The following NBAS variants were observed in gnomAD, a reference collection of about 807,000 sequenced individuals.
The protein encoded by NBAS is NAG/BC035112 fusion.
A neutral mutation model predicts 302.5 loss-of-function variants in NBAS; 219 were observed. The ratio of observed to expected loss-of-function variants is 0.72; its 90% CI spans 0.65 to 0.81. NBAS has a LOEUF of 0.81. Ranked by LOEUF, NBAS falls within the 30% of genes least tolerant of loss-of-function variation. The pLI, the probability that NBAS is intolerant of heterozygous loss-of-function variation, is 0.00. For synonymous variants in NBAS, 1,118 were observed against 1,021.6 expected, an observed-to-expected ratio of 1.09 and a Z score of -1.80; for missense variants, 2,932 against 2,841.6, an observed-to-expected ratio of 1.03 and a Z score of -0.72.
chr2:14,970,076 A>C, the NBAS span, among the ~76,000 whole-genome samples: 6 of 152,246 alleles, frequency 3.9e-5, no homozygotes, highest in African/African-American at 1.4e-4. Flanking sequence ...AATTATCTAA[A>C]TCTAACTTTA....
At chr2:15,399,670 G>GA (rs922296994) in intron 26 of NBAS, among the ~76,000 whole-genome samples, 4 of 151,980 alleles carry the variant, frequency 2.6e-5, no homozygotes, top group African/African-American at 9.7e-5. Flanking sequence ...ACTTATCAAG[G>GA]AAAAAATATA....
rs777089411 is a variant in NBAS, at chr2:15,186,758, T to C, written c.6695A>G (p.Gln2232Arg). Residue 2232 changes from glutamine to arginine, a missense_variant, in exon 50 of 52, where the codon CAG becomes CGG. Coordinates refer to ENST00000281513, the MANE Select transcript of NBAS (RefSeq NM_015909.4). ...KMCRSLYNTK[Q>R]MLPAEGVKEL... ...TCCACTCACCTCTGCAGGCAGCATC[T>C]GCTTGGTGTTATACAAAGAGCGACA... 5 of 1,613,764 alleles carry C rather than the reference T, an allele frequency of 3.1e-6. No homozygotes were observed. Among genetic ancestry groups the C allele is most frequent in the African/African-American group, 1.3e-5 (1 of 74,866 alleles).
At chr2:14,813,038 C>G in the NBAS span, among the ~76,000 whole-genome samples, 20 of 152,190 alleles carry the variant, frequency 1.3e-4, no homozygotes, top group Non-Finnish European at 2.4e-4. Context: ...CTTTGCCCTT[C>G]TGCCATGATT....
At chr2:15,034,037 A>AAGAAGAAGAAGAAGAAGAAGAAGG in the NBAS span, among the ~76,000 whole-genome samples, 6 of 42,028 alleles carry the variant, frequency 1.4e-4, no homozygotes, top group Admixed American at 1.3e-3. Flanking sequence ...GAGGAGGAGG[A>AAGAAGAAGAAGAAGAAGAAGAAGG]AGGAGGAGGA....
At chr2:15,046,151 A>G in the NBAS span, among the ~76,000 whole-genome samples, 3 of 152,228 alleles carry the variant, frequency 2.0e-5, no homozygotes, top group African/African-American at 7.2e-5. Context: ...AAAAGCAGTC[A>G]TGCATTTGAA....
At chr2:15,068,951 G>A in the NBAS span, among the ~76,000 whole-genome samples, 1 of 152,306 alleles carries the variant, frequency 6.6e-6, no homozygotes, top group Admixed American at 6.5e-5. Flanking sequence ...AGTCTCTACA[G>A]AGTCCCGAGG....
At chr2:14,881,172 C>A in the NBAS span, among the ~76,000 whole-genome samples, 1 of 152,130 alleles carries the variant, frequency 6.6e-6, no homozygotes, top group Non-Finnish European at 1.5e-5. Flanking sequence ...ATAATGAAGT[C>A]ATATCCTTTG....
chr2:15,190,406 G>C lies in NBAS; in HGVS notation c.6433-3C>G. 1 of 1,613,754 alleles carries C rather than the reference G, an allele frequency of 6.2e-7. No homozygotes were observed. Among genetic ancestry groups the C allele is most frequent in the Middle Eastern group, 1.7e-4 (1 of 6,058 alleles). On this transcript the variant is annotated splice_polypyrimidine_tract_variant and splice_region_variant and intron_variant, in intron 48 of 51. Coordinates refer to ENST00000281513, the MANE Select transcript of NBAS (RefSeq NM_015909.4). ...TTCTCAATGTCAGCTATGTCTACCT[G>C]GAAGAAGAAATACACACTTAAAGCT...
chr2:15,103,363 C>T, the NBAS span, among the ~76,000 whole-genome samples: 2 of 152,268 alleles, frequency 1.3e-5, no homozygotes. Flanking sequence ...ATCCAGATTT[C>T]CAGGCTCCCT....
At chr2:15,343,542 T>C (rs934626431) in intron 35 of NBAS, among the ~76,000 whole-genome samples, 1 of 152,072 alleles carries the variant, frequency 6.6e-6, no homozygotes, top group African/African-American at 2.4e-5. Flanking sequence ...AATGTGAAAT[T>C]TAAAATCTAC....
At chr2:14,896,823 CATA>C in the NBAS span, among the ~76,000 whole-genome samples, 2 of 152,098 alleles carry the variant, frequency 1.3e-5, no homozygotes, top group Admixed American at 6.6e-5. Context: ...GTTCATTTAC[CATA>C]ATGTCTCTGT....
At chr2:15,508,639 C>CTGTG (rs1553328581) in intron 10 of NBAS, among the ~76,000 whole-genome samples, 2 of 93,774 alleles carry the variant, frequency 2.1e-5, no homozygotes, top group Non-Finnish European at 2.4e-5. Flanking sequence ...TGCTTTATCT[C>CTGTG]TATGTGTGTG....
In NBAS at chr2:15,424,450, A is replaced by G. The variant is rs1264878366; in HGVS notation, c.2442T>C (p.Asn814=). Residue 814 remains asparagine (N), a synonymous_variant, in exon 23 of 52, where the codon AAT becomes AAC. Coordinates refer to ENST00000281513, the MANE Select transcript of NBAS (RefSeq NM_015909.4). ...ELACRMVVEP[N]LQDESEFLYA... is the part of the protein sequence containing the mutation. ...ACAAGAATTCACTTTCATCTTGGAGATTCGGCTCAACAACCATTCTGTGAA... is the reference window on the plus strand; with the variant it reads ...ACAAGAATTCACTTTCATCTTGGAGGTTCGGCTCAACAACCATTCTGTGAA... The G allele has an allele frequency of 1.9e-6, 3 of 1,614,102 alleles. No individual in the cohort carries two copies. Among genetic ancestry groups the G allele is most frequent in the Non-Finnish European group, 2.5e-6 (3 of 1,179,974 alleles).
chr2:15,094,187 C>T, the NBAS span, among the ~76,000 whole-genome samples: 4 of 152,336 alleles, frequency 2.6e-5, no homozygotes, highest in Admixed American at 2.6e-4. Flanking sequence ...CCTAGACCTC[C>T]CATTCCAGTC....
chr2:15,459,219 G>C (rs1490225905), intron 21 of NBAS, among the ~76,000 whole-genome samples: 1 of 152,066 alleles, frequency 6.6e-6, no homozygotes, highest in African/African-American at 2.4e-5. Context: ...CCTTCAGGGT[G>C]GTATGGCCTA....
chr2:15,284,741 G>A (rs939479711), intron 42 of NBAS, among the ~76,000 whole-genome samples: 1 of 152,218 alleles, frequency 6.6e-6, no homozygotes, highest in Admixed American at 6.5e-5. Flanking sequence ...ATGTTACCAA[G>A]TTAGATTAAA....
intron 26 of NBAS, chr2:15,397,665 C>T (rs919479895): frequency 7.7e-5 from 42 of 543,006 alleles, no homozygotes; most frequent in Admixed American, 4.7e-4. Context: ...TTTCAAATGA[C>T]GAATTTCTTA....
intron 40 of NBAS, among the ~76,000 whole-genome samples, chr2:15,307,562 A>G (rs984884310): frequency 2.0e-5 from 3 of 152,232 alleles, no homozygotes; most frequent in Non-Finnish European, 4.4e-5. Context: ...CAAAAATCAG[A>G]TAATTTCACA....
intron 11 of NBAS, 98 bp downstream of exon 11, chr2:15,504,047 G>T: frequency 1.1e-6 from 1 of 899,996 alleles, no homozygotes; most frequent in Non-Finnish European, 1.9e-6. Context: ...CTCAGATGAA[G>T]ATACAAAAAA....
Sources: gnomAD v4.1 joint callset for allele counts (sites outside exome capture counted in the v4.1 genomes callset) on GRCh38, gnomAD v4.1.1 for gene constraint, MANE v1.5 for transcripts, NCBI Gene and HGNC (gene_info 2026-07-23, HGNC 2026-07-21) for gene names.